Variants in SNX18 observed in about 807,000 individuals in gnomAD.
SNX18 encodes the protein sorting nexin 18, also known as sorting nexin-18.
In SNX18, 35 loss-of-function variants were observed where a neutral mutation model predicts 48.7. That is an observed-to-expected ratio of 0.72 (90% CI 0.55 to 0.95). The LOEUF (loss-of-function observed/expected upper bound fraction) is 0.95, where lower values mean the gene tolerates loss of function less well. Ranked by LOEUF, SNX18 falls within the 40% of genes least tolerant of loss-of-function variation. The pLI, the probability that SNX18 is intolerant of heterozygous loss-of-function variation, is 0.00. For synonymous variants in SNX18, 492 were observed against 384.7 expected, an observed-to-expected ratio of 1.28 and a Z score of -3.26; for missense variants, 824 against 871.0, an observed-to-expected ratio of 0.95 and a Z score of 0.68.
the SNX18 span, among the ~76,000 whole-genome samples, chr5:54,552,150 G>C: frequency 1.3e-5 from 2 of 152,184 alleles, no homozygotes; most frequent in African/African-American, 4.8e-5. Flanking sequence ...GTGCCTCCGC[G>C]ACGTGACCCA....
the SNX18 span, among the ~76,000 whole-genome samples, chr5:54,622,055 C>T: frequency 6.6e-6 from 1 of 152,164 alleles, no homozygotes; most frequent in Non-Finnish European, 1.5e-5. Context: ...CAAAAGAATT[C>T]GAGGAGAGCT....
the SNX18 span, among the ~76,000 whole-genome samples, chr5:54,630,684 A>T: frequency 6.6e-6 from 1 of 152,114 alleles, no homozygotes; most frequent in Non-Finnish European, 1.5e-5. Context: ...AACTACAAAA[A>T]TTAGCCGGGC....
chr5:54,522,360 G>A (rs906418512), intron 1 of SNX18, among the ~76,000 whole-genome samples: 1 of 152,154 alleles, frequency 6.6e-6, no homozygotes, highest in Non-Finnish European at 1.5e-5. Flanking sequence ...CTGAATATTG[G>A]TCAACAGAAA....
intron 1 of SNX18, among the ~76,000 whole-genome samples, chr5:54,533,445 C>T (rs1762287532): frequency 6.6e-6 from 1 of 152,060 alleles, no homozygotes; most frequent in African/African-American, 2.4e-5. Context: ...GGCATAGGCT[C>T]CTAGGAGGCG....
At chr5:54,602,668 G>A in the SNX18 span, among the ~76,000 whole-genome samples, 6 of 152,160 alleles carry the variant, frequency 3.9e-5, no homozygotes, top group African/African-American at 1.4e-4. Context: ...AGGAAAGAAA[G>A]GAAGGAATAT....
At chr5:54,638,585 T>C in the SNX18 span, among the ~76,000 whole-genome samples, 2 of 152,182 alleles carry the variant, frequency 1.3e-5, no homozygotes, top group African/African-American at 4.8e-5. Flanking sequence ...TTTCCTGACA[T>C]AGGGTATTGG....
the SNX18 span, among the ~76,000 whole-genome samples, chr5:54,618,875 C>T: frequency 1.4e-4 from 21 of 151,960 alleles, no homozygotes; most frequent in African/African-American, 4.3e-4. Context: ...ATAAAGGAGA[C>T]AAGTTTTATA....
chr5:54,518,077 T>G lies in SNX18; in HGVS notation c.125T>G (p.Val42Gly), dbSNP rs1047428978. 1 of 1,536,740 alleles carries G rather than the reference T, an allele frequency of 6.5e-7. No individual in the cohort carries two copies. The highest frequency in any genetic ancestry group is 8.7e-7 in the Non-Finnish European group (1 of 1,147,770). The change falls in exon 1 of 2, where the codon GTC becomes GGC. Residue 42 changes from valine (V) to glycine (G), a missense_variant. Physicochemically the swap from Val to Gly is moderately radical, Grantham distance 109. Around this residue, in one of 3 missense-constraint regions of SNX18, gnomAD observed 377 missense variants for 350.6 expected, o/e 1.08. Transcript: ENST00000381410. ...GACATCGAGGGCTGGCTCGAGGGGG[T>G]CAACAGCCGCGGCGACCGCGGCCTC... is the stretch of plus-strand genomic sequence containing the variant. ...EQDIEGWLEG[V>G]NSRGDRGLFP...
chr5:54,518,891 C>T lies in SNX18; in HGVS notation c.939C>T (p.Tyr313=). 1 of 1,614,004 alleles carries T rather than the reference C, an allele frequency of 6.2e-7. No homozygotes were observed. Among genetic ancestry groups the T allele is most frequent in the Non-Finnish European group, 8.5e-7 (1 of 1,179,984 alleles). Residue 313 remains tyrosine, a synonymous_variant, in exon 1 of 2, where the codon TAC becomes TAT. Coordinates refer to ENST00000381410, the MANE Select transcript of SNX18 (RefSeq NM_001102575.2). Reference sequence around the variant, plus strand: ...CGCAGGTGCCGGTGCATCGGCGCTACAAGCACTTCGACTGGCTGTACGCGC... The same window carrying T: ...CGCAGGTGCCGGTGCATCGGCGCTATAAGCACTTCGACTGGCTGTACGCGC... ...THTQVPVHRR[Y]KHFDWLYARL...
chr5:54,577,691 G>A, the SNX18 span, among the ~76,000 whole-genome samples: 7 of 152,124 alleles, frequency 4.6e-5, no homozygotes, highest in Non-Finnish European at 1.0e-4. Flanking sequence ...GAAGGGGTGG[G>A]GTCCAGCATA....
chr5:54,555,826 CAAA>C, the SNX18 span, among the ~76,000 whole-genome samples: 3 of 84,998 alleles, frequency 3.5e-5, no homozygotes, highest in African/African-American at 4.2e-5. Flanking sequence ...GACCTTGTCT[CAAA>C]AAAAAAAAAA....
the SNX18 span, among the ~76,000 whole-genome samples, chr5:54,621,589 T>C: frequency 6.6e-6 from 1 of 152,132 alleles, no homozygotes; most frequent in Non-Finnish European, 1.5e-5. Context: ...CTGCAGCCAG[T>C]GGTGATGTTT....
At position 54,543,159 on chromosome 5, in the gene SNX18, A is replaced by C. The variant is rs775179826; in HGVS notation, c.1622-20A>C. 6.2e-7 allele frequency: 1 copy of C among 1,601,088 alleles called. No individual in the cohort carries two copies. Among genetic ancestry groups the C allele is most frequent in the Non-Finnish European group, 8.5e-7 (1 of 1,173,820 alleles). ...ATGTGGATATATAGGTTTTTAATTA[A>C]TTGTTATTTTTAACTACAGGAGCTC... On this transcript the variant is annotated intron_variant, in intron 1 of 1. Coordinates refer to ENST00000381410, the MANE Select transcript of SNX18 (RefSeq NM_001102575.2).
the SNX18 span, among the ~76,000 whole-genome samples, chr5:54,563,974 A>C: frequency 6.6e-6 from 1 of 152,162 alleles, no homozygotes; most frequent in Non-Finnish European, 1.5e-5. Context: ...TTTCCTTGTA[A>C]ACATTTTGCA....
At chr5:54,632,783 A>AC in the SNX18 span, among the ~76,000 whole-genome samples, 1 of 150,686 alleles carries the variant, frequency 6.6e-6, no homozygotes, top group Admixed American at 6.6e-5. Flanking sequence ...TATTTTTTTT[A>AC]TTTTTTTTTG....
At chr5:54,546,974 A>G (rs549619927), downstream of SNX18, among the ~76,000 whole-genome samples, 20 of 152,266 alleles carry the variant, frequency 1.3e-4, no homozygotes, top group Non-Finnish European at 2.6e-4. Flanking sequence ...TATAATAGCT[A>G]CGGGACCTGG....
rs1761909462 is a variant in SNX18 at position 54,518,160 on chromosome 5, G to C, written c.208G>C (p.Gly70Arg). 7.2e-6 allele frequency: 10 copies of C among 1,387,598 alleles called. No individual in the cohort carries two copies. The highest frequency in any genetic ancestry group is 8.3e-6 in the Non-Finnish European group (9 of 1,077,928). 86.0% of individuals were successfully genotyped at this position (1,387,598 alleles called of 1,614,324 possible). A position where few individuals can be genotyped will look rare whatever the true frequency, so the allele number is the denominator to read the frequency against. Residue 70 changes from glycine to arginine, a missense_variant, in exon 1 of 2, where the codon GGC becomes CGC. Physicochemically the swap from Gly to Arg is moderately radical, Grantham distance 125. Around this residue, in one of 3 missense-constraint regions of SNX18, gnomAD observed 377 missense variants for 350.6 expected, o/e 1.08. Coordinates refer to ENST00000381410, the MANE Select transcript of SNX18 (RefSeq NM_001102575.2). ...RAPEPGPAGDGGPGAPARYAN... is the reference protein window; with the variant it reads ...RAPEPGPAGDRGPGAPARYAN... ...CCCCGAGCCTGGCCCGGCGGGAGAC[G>C]GCGGCCCGGGCGCCCCGGCCCGCTA...
At chr5:54,555,633 A>AC in the SNX18 span, among the ~76,000 whole-genome samples, 1 of 152,028 alleles carries the variant, frequency 6.6e-6, no homozygotes, top group Admixed American at 6.5e-5. Context: ...CCAGGAATTC[A>AC]AGGCCAACAC....
chr5:54,560,830 G>T, the SNX18 span, among the ~76,000 whole-genome samples: 1 of 152,156 alleles, frequency 6.6e-6, no homozygotes, highest in African/African-American at 2.4e-5. Flanking sequence ...CTGCGAAAGT[G>T]CTTGGAACCA....
Sources: gnomAD v4.1 joint callset for allele counts (sites outside exome capture counted in the v4.1 genomes callset) on GRCh38, gnomAD v4.1.1 for gene constraint, gnomAD v4.1.1 regional missense constraint, MANE v1.5 for transcripts, NCBI Gene and HGNC (gene_info 2026-07-23, HGNC 2026-07-21) for gene names.